The following DNAAF5 variants were observed in gnomAD, a reference collection of about 807,000 sequenced individuals.
DNAAF5 encodes dynein axonemal assembly factor 5.
A neutral mutation model predicts 75.8 loss-of-function variants in DNAAF5; 64 were observed. The observed-to-expected ratio is 0.84, with a 90% CI of 0.69 to 1.04. The LOEUF is 1.04. Ranked by LOEUF, DNAAF5 falls within the 50% of genes least tolerant of loss-of-function variation. The probability of loss-of-function intolerance (pLI) is 0.00; values close to 1 mark genes in which losing one functional copy is unlikely to be tolerated. For missense variants in DNAAF5, 1,269 were observed against 1,178.5 expected, an observed-to-expected ratio of 1.08 and a Z score of -1.12; for synonymous variants, 657 against 557.2, an observed-to-expected ratio of 1.18 and a Z score of -2.52.
chr7:764,825 C>G (rs1782771496), intron 8 of DNAAF5, among the ~76,000 whole-genome samples: 1 of 152,114 alleles, frequency 6.6e-6, no homozygotes, highest in Non-Finnish European at 1.5e-5. Context: ...AATCCCAGCA[C>G]TTTGGGAGGC....
chr7:769,288 A>C, intron 8 of DNAAF5: 2 of 695,072 alleles, frequency 2.9e-6, no homozygotes, highest in South Asian at 3.0e-5. Flanking sequence ...TGCGGCCCCA[A>C]CCCAGTCCCC....
At chr7:749,272 G>T (rs1038698893) in intron 4 of DNAAF5, among the ~76,000 whole-genome samples, 2 of 152,182 alleles carry the variant, frequency 1.3e-5, no homozygotes, top group African/African-American at 4.8e-5. Flanking sequence ...TGGTGACAGC[G>T]GCTCCAGAGT....
At chr7:773,753 G>C (rs1402065061) in intron 9 of DNAAF5, among the ~76,000 whole-genome samples, 2 of 152,166 alleles carry the variant, frequency 1.3e-5, no homozygotes, top group African/African-American at 2.4e-5. Context: ...GCGAGGGGCT[G>C]AAAGTGCACC....
intron 5 of DNAAF5, 73 bp from the exon 6 acceptor site, chr7:756,709 C>A: frequency 7.0e-7 from 1 of 1,425,456 alleles, no homozygotes; most frequent in East Asian, 2.3e-5. Context: ...TGGGAGGCCA[C>A]GGCGCCGAGA....
At chr7:761,609 G>C (rs1782646525) in intron 6 of DNAAF5, 144 bp from the exon 7 acceptor site, 1 of 777,876 alleles carries the variant, frequency 1.3e-6, no homozygotes. Context: ...GCACGGGAAA[G>C]ACCCACCCCC....
At chr7:769,295 C>T in intron 8 of DNAAF5, 1 of 686,174 alleles carries the variant, frequency 1.5e-6, no homozygotes, top group South Asian at 1.5e-5. Context: ...CCAACCCAGT[C>T]CCCACCCTGA....
intron 1 of DNAAF5, among the ~76,000 whole-genome samples, chr7:727,850 C>G (rs4724904): frequency 0.46 from 68,194 of 147,360 alleles, 16,048 homozygotes; most frequent in African/African-American, 0.48. Context: ...GCCCACGAGC[C>G]AGCGCTTCTG....
At chr7:780,275 C>A in intron 12 of DNAAF5, 131 bp downstream of exon 12, 1 of 771,082 alleles carries the variant, frequency 1.3e-6, no homozygotes, top group Non-Finnish European at 2.1e-6. Context: ...CGGCCTGGCA[C>A]ACTCTTGAGT....
chr7:781,255 C>T (rs1385844064), intron 12 of DNAAF5, among the ~76,000 whole-genome samples: 1 of 152,162 alleles, frequency 6.6e-6, no homozygotes, highest in African/African-American at 2.4e-5. Flanking sequence ...TTTTTAGTTC[C>T]CACAAATGAG....
At chr7:766,949 G>T (rs1424703950) in intron 8 of DNAAF5, among the ~76,000 whole-genome samples, 7 of 152,158 alleles carry the variant, frequency 4.6e-5, no homozygotes, top group African/African-American at 1.7e-4. Flanking sequence ...ATTAAAGACT[G>T]TAGGGTCCCG....
intron 2 of DNAAF5, among the ~76,000 whole-genome samples, chr7:740,442 G>C (rs1023717956): frequency 6.6e-6 from 1 of 152,238 alleles, no homozygotes; most frequent in Non-Finnish European, 1.5e-5. Flanking sequence ...GGCCCAGCCC[G>C]GCCAGGAGGT....
intron 2 of DNAAF5, among the ~76,000 whole-genome samples, chr7:737,152 A>G (rs984123546): frequency 5.3e-5 from 8 of 151,620 alleles, no homozygotes; most frequent in East Asian, 3.9e-4. Context: ...CTGGAGTGCA[A>G]TGGCGCCATC....
At position 786,268 on chromosome 7, in the gene DNAAF5, G is replaced by A. The variant is rs77553549; in HGVS notation, c.*615G>A. ...AAACAATATTTCATGAGATCTAATT[G>A]TGGTTGCCCCTATAGGTAGCAGGAA... On this transcript the variant is annotated 3_prime_UTR_variant, in exon 13 of 13. Transcript: ENST00000297440. The A allele has an allele frequency of 6.6e-6, 1 of 152,254 alleles. No individual in the cohort carries two copies. The highest frequency in any genetic ancestry group is 1.5e-5 in the Non-Finnish European group (1 of 68,118). The allele number at this position is 152,254 out of a possible 1,614,324, so 9.4% of individuals were successfully genotyped here.
chr7:778,685 G>C (rs1476296207), intron 11 of DNAAF5: 1 of 152,410 alleles, frequency 6.6e-6, no homozygotes, highest in Non-Finnish European at 1.5e-5. Context: ...GACAAGCTTG[G>C]GTGAGTTGAG....
intron 7 of DNAAF5, 71 bp from the exon 8 acceptor site, chr7:763,735 A>T: frequency 2.6e-6 from 4 of 1,520,636 alleles, no homozygotes; most frequent in Non-Finnish European, 3.6e-6. Context: ...GGGGATAGTG[A>T]GTCCCAGCAG....
rs1436125207 is a variant in DNAAF5 at position 779,713 on chromosome 7, T to C, written c.2240-240T>C. On this transcript the variant is annotated intron_variant, in intron 11 of 12. Coordinates refer to ENST00000297440, the MANE Select transcript of DNAAF5 (RefSeq NM_017802.4). ...GGCTCTGCGCCTGCAGGACAGGTTATTACAGGGGCCGCAGCAGGGCCTGGG... is the reference window on the plus strand; with the variant it reads ...GGCTCTGCGCCTGCAGGACAGGTTACTACAGGGGCCGCAGCAGGGCCTGGG... Among the ~76,000 whole-genome samples, 3 of 152,118 alleles carry C rather than the reference T, an allele frequency of 2.0e-5. 1 individual carries two copies. The highest frequency in any genetic ancestry group is 4.4e-5 in the Non-Finnish European group (3 of 68,000).
intron 6 of DNAAF5, among the ~76,000 whole-genome samples, 155 bp downstream of exon 6, chr7:757,149 C>G (rs531007742): frequency 7.9e-5 from 12 of 152,266 alleles, no homozygotes; most frequent in Non-Finnish European, 1.8e-4. Flanking sequence ...CCCGTGCCGC[C>G]AGGCCGGGCC....
Position 756,926 on chromosome 7 carries a change from C to T in DNAAF5, c.1402C>T (p.Leu468Phe). ...CATGCGGGGTTGCCCCCGAGAAGCC[C>T]TCCAGCCGCACCTGGCAGCCATCGC... ...SAMRGCPREALQPHLAAIATE... is the reference protein window; with the variant it reads ...SAMRGCPREAFQPHLAAIATE... The change falls in exon 6 of 13, where the codon CTC becomes TTC. Residue 468 changes from leucine (L) to phenylalanine (F), a missense_variant. Leu to Phe is a conservative substitution (Grantham distance 22). Transcript: ENST00000297440. 1 of 1,610,122 alleles carries T rather than the reference C, an allele frequency of 6.2e-7. No homozygotes were observed. Among genetic ancestry groups the T allele is most frequent in the African/African-American group, 1.3e-5 (1 of 75,062 alleles).
chr7:759,545 A>G (rs1782581894), intron 6 of DNAAF5, among the ~76,000 whole-genome samples: 1 of 152,226 alleles, frequency 6.6e-6, no homozygotes, highest in Non-Finnish European at 1.5e-5. Context: ...AGTCTTAGAT[A>G]ACATTGTTTC....
Sources: allele counts gnomAD v4.1 joint callset (sites outside exome capture counted in the v4.1 genomes callset), GRCh38; gene constraint gnomAD v4.1.1; transcripts MANE v1.5; gene names NCBI Gene and HGNC (gene_info 2026-07-23, HGNC 2026-07-21).